TRIM24: variants seen among roughly 807,000 people sequenced by gnomAD.
The protein encoded by TRIM24 is tripartite motif containing 24.
In TRIM24, 29 loss-of-function variants were observed where a neutral mutation model predicts 123.9. That is an observed-to-expected ratio of 0.23 (90% CI 0.17 to 0.32). TRIM24 has a LOEUF of 0.32. Among genes scored for constraint, TRIM24 ranks in the 10% least tolerant of loss-of-function variants. The probability of loss-of-function intolerance (pLI) is 1.00; values close to 1 mark genes in which losing one functional copy is unlikely to be tolerated. For missense variants in TRIM24, 932 were observed against 1,295.3 expected (o/e 0.72, Z 4.31); for synonymous variants, 456 against 461.1 (o/e 0.99, Z 0.14).
intron 6 of TRIM24, among the ~76,000 whole-genome samples, chr7:138,529,565 G>A (rs1406453623): frequency 6.6e-6 from 1 of 152,130 alleles, no homozygotes; most frequent in Non-Finnish European, 1.5e-5. Flanking sequence ...TAGTGGAGCA[G>A]AATTTTCTAG....
chr7:138,576,466 T>G lies in TRIM24; in HGVS notation c.2087+21T>G, dbSNP rs777753895. The G allele has an allele frequency of 1.9e-6, 3 of 1,605,204 alleles. No individual in the cohort carries two copies. The South Asian group carries it at 3.3e-5, about 18-fold the overall frequency. On this transcript the variant is annotated intron_variant, in intron 13 of 18. Coordinates refer to ENST00000343526, the MANE Select transcript of TRIM24 (RefSeq NM_015905.3). ...GGAAGGTAAACTGACTAAACCATAT[T>G]TTCTAGTATATAAAAATCTCTAATT... is the stretch of plus-strand genomic sequence containing the variant.
At chr7:138,553,033 T>C (rs765330802) in intron 8 of TRIM24, among the ~76,000 whole-genome samples, 1 of 152,194 alleles carries the variant, frequency 6.6e-6, no homozygotes, top group Non-Finnish European at 1.5e-5. Flanking sequence ...TATTTAAAAC[T>C]GTACACACAT....
At chr7:138,553,577 GT>G (rs1437183658) in intron 8 of TRIM24, among the ~76,000 whole-genome samples, 3 of 152,106 alleles carry the variant, frequency 2.0e-5, no homozygotes, top group African/African-American at 7.2e-5. Flanking sequence ...CTTAAAACTA[GT>G]TTTAAGCCAG....
intron 6 of TRIM24, among the ~76,000 whole-genome samples, chr7:138,532,188 T>G (rs2116593287): frequency 6.6e-6 from 1 of 151,956 alleles, no homozygotes; most frequent in African/African-American, 2.4e-5. Context: ...TGATGGTAGT[T>G]TCTTTTGCTG....
chr7:138,549,474 T>C (rs1797167436), intron 7 of TRIM24, among the ~76,000 whole-genome samples: 1 of 152,008 alleles, frequency 6.6e-6, no homozygotes, highest in Non-Finnish European at 1.5e-5. Context: ...TCTCAGTGGC[T>C]CCAAAAGAGT....
At chr7:138,470,578 T>A (rs1292625381) in intron 1 of TRIM24, among the ~76,000 whole-genome samples, 1 of 152,216 alleles carries the variant, frequency 6.6e-6, no homozygotes, top group Non-Finnish European at 1.5e-5. Context: ...AAGTCCCATA[T>A]GGAGGCTGCT....
chr7:138,522,166 A>G (rs1449648920), intron 4 of TRIM24, among the ~76,000 whole-genome samples: 1 of 152,024 alleles, frequency 6.6e-6, no homozygotes, highest in Non-Finnish European at 1.5e-5. Flanking sequence ...AGACTAAAAA[A>G]TCAGTAAAGA....
Position 138,460,455 on chromosome 7 carries a change from C to T in TRIM24, c.-94C>T. ...CGCTGCCGCGAGTCCACCGAGCGGCCTCTGAGGAGCAGCCGCAGGAGGAGG... is the reference window on the plus strand; with the variant it reads ...CGCTGCCGCGAGTCCACCGAGCGGCTTCTGAGGAGCAGCCGCAGGAGGAGG... On this transcript the variant is annotated 5_prime_UTR_variant, in exon 1 of 19. Coordinates refer to ENST00000343526, the MANE Select transcript of TRIM24 (RefSeq NM_015905.3). 4.1e-6 allele frequency: 5 copies of T among 1,217,990 alleles called. No homozygotes were observed. The highest frequency in any genetic ancestry group is 5.2e-6 in the Non-Finnish European group (5 of 970,386). The allele number at this position is 1,217,990 out of a possible 1,614,324, so 75.4% of individuals were successfully genotyped here.
At chr7:138,484,412 G>T (rs1795601750) in intron 1 of TRIM24, among the ~76,000 whole-genome samples, 1 of 130,412 alleles carries the variant, frequency 7.7e-6, no homozygotes, top group Non-Finnish European at 1.7e-5. Context: ...CCTGGCCTTA[G>T]ATTTTTTTTT....
At chr7:138,471,023 T>G (rs1223454511) in intron 1 of TRIM24, among the ~76,000 whole-genome samples, 2 of 152,200 alleles carry the variant, frequency 1.3e-5, no homozygotes, top group Admixed American at 1.3e-4. Context: ...CTTATCAGTT[T>G]TATTGTGAGG....
At chr7:138,551,430 C>T (rs1409289545) in intron 8 of TRIM24, among the ~76,000 whole-genome samples, 1 of 152,094 alleles carries the variant, frequency 6.6e-6, no homozygotes, top group African/African-American at 2.4e-5. Flanking sequence ...GCCTGTAGTC[C>T]CAGCTACTTG....
At position 138,543,399 on chromosome 7, in the gene TRIM24, G is replaced by A. The variant is rs1797041673; in HGVS notation, c.1143+4596G>A. The stretch of plus-strand genomic sequence containing the variant: ...TTGCCTGTAATGCATGCAGAGCTGA[G>A]GTTCATGATTATTTTTAAACATTTA... On this transcript the variant is annotated intron_variant, in intron 7 of 18. Coordinates refer to ENST00000343526, the MANE Select transcript of TRIM24 (RefSeq NM_015905.3). 1.3e-5 allele frequency among the ~76,000 whole-genome samples: 2 copies of A among 152,068 alleles called. 1 individual carries two copies. The highest frequency in any genetic ancestry group is 4.8e-5 in the African/African-American group (2 of 41,418).
At chr7:138,498,009 T>C (rs978263454) in intron 1 of TRIM24, among the ~76,000 whole-genome samples, 1 of 150,836 alleles carries the variant, frequency 6.6e-6, no homozygotes, top group Non-Finnish European at 1.5e-5. Flanking sequence ...GGTTTTTTTA[T>C]TTTTATTTTT....
rs753398034 is a variant in TRIM24, at chr7:138,529,258, T to A, written c.996+28T>A. On this transcript the variant is annotated intron_variant, in intron 6 of 18. Transcript: ENST00000343526. ...AAGTGACTGCCCATGGGATAGTATA[T>A]TGATTCAACATAGTATTTCCTAAAG... 3.4e-6 allele frequency: 4 copies of A among 1,165,280 alleles called. No individual in the cohort carries two copies. The East Asian group carries it at 1.1e-4, about 31-fold the overall frequency. 72.2% of individuals were successfully genotyped at this position (1,165,280 alleles called of 1,614,324 possible).
intron 16 of TRIM24, 64 bp from the exon 17 acceptor site, chr7:138,581,633 A>G: frequency 7.2e-7 from 1 of 1,388,110 alleles, no homozygotes; most frequent in Non-Finnish European, 1.0e-6. Flanking sequence ...ATTGTTATTT[A>G]AAATAAGCTG....
chr7:138,501,065 A>G (rs1796028506), intron 1 of TRIM24, among the ~76,000 whole-genome samples: 1 of 152,110 alleles, frequency 6.6e-6, no homozygotes, highest in East Asian at 1.9e-4. Context: ...TGATGAGTGC[A>G]TATGAAGGGG....
At chr7:138,555,058 C>T (rs1429852503) in intron 9 of TRIM24, 92 bp downstream of exon 9, 15 of 1,281,912 alleles carry the variant, frequency 1.2e-5, no homozygotes, top group East Asian at 7.0e-5. Flanking sequence ...ATTTTCCATA[C>T]TCTAAATATC....
At chr7:138,548,220 C>G (rs1488041078) in intron 7 of TRIM24, among the ~76,000 whole-genome samples, 1 of 152,128 alleles carries the variant, frequency 6.6e-6, no homozygotes, top group Non-Finnish European at 1.5e-5. Context: ...CTCTTTTGCT[C>G]TGATCTGTAC....
At chr7:138,488,849 A>G (rs139573248) in intron 1 of TRIM24, among the ~76,000 whole-genome samples, 3,698 of 152,288 alleles carry the variant, frequency 0.024, 58 homozygotes, top group Non-Finnish European at 0.039. Context: ...AGAGTTCTGT[A>G]GATGTCTCTT....
Sources: allele counts gnomAD v4.1 joint callset (sites outside exome capture counted in the v4.1 genomes callset), GRCh38; gene constraint gnomAD v4.1.1; transcripts MANE v1.5; gene names NCBI Gene and HGNC (gene_info 2026-07-23, HGNC 2026-07-21).